The following FBXL17 variants were observed in gnomAD, a reference collection of about 807,000 sequenced individuals.
FBXL17 encodes F-box and leucine rich repeat protein 17.
Under a neutral mutation model 66.2 loss-of-function variants are expected in FBXL17, and 22 were observed. The ratio of observed to expected loss-of-function variants is 0.33; its 90% CI spans 0.24 to 0.47. FBXL17 has a LOEUF of 0.47. Ranked by LOEUF, FBXL17 falls within the 20% of genes least tolerant of loss-of-function variation. The probability of loss-of-function intolerance (pLI) is 1.00; values close to 1 mark genes in which losing one functional copy is unlikely to be tolerated. For missense variants in FBXL17, 878 were observed against 948.2 expected (o/e 0.93, Z 0.97); for synonymous variants, 474 against 400.5 (o/e 1.18, Z -2.19).
chr5:108,095,249 T>TA (rs201927907), intron 6 of FBXL17, among the ~76,000 whole-genome samples: 30 of 148,234 alleles, frequency 2.0e-4, no homozygotes, highest in East Asian at 5.9e-4. Context: ...ATCAAATGGT[T>TA]AAAAAAAAAA....
intron 4 of FBXL17, among the ~76,000 whole-genome samples, chr5:108,303,378 A>C (rs987463610): frequency 1.4e-5 from 2 of 147,294 alleles, no homozygotes; most frequent in Non-Finnish European, 3.1e-5. Flanking sequence ...ACACACACAC[A>C]CACACACACA....
Position 108,232,782 on chromosome 5 carries a change from CATATAT to C in FBXL17, c.1507-8560_1507-8555del, listed in dbSNP as rs34650348. Among the ~76,000 whole-genome samples the C allele has an allele frequency of 6.7e-3, 525 of 78,176 alleles. 53 individuals are homozygous for C. The highest frequency in any genetic ancestry group is 0.024 in the African/African-American group (498 of 20,640). 51.3% of individuals were successfully genotyped at this position (78,176 alleles called of 152,430 possible). A position where few individuals can be genotyped will look rare whatever the true frequency, so the allele number is the denominator to read the frequency against. ...TAAGTTAATACTGAATAAGCTCTCA[CATATAT>C]ATATATATATATATATAATATATAC... On this transcript the variant is annotated intron_variant, in intron 4 of 8. Coordinates refer to ENST00000542267, the MANE Select transcript of FBXL17 (RefSeq NM_001163315.3).
At chr5:108,218,544 A>T (rs1754710548) in intron 5 of FBXL17, among the ~76,000 whole-genome samples, 1 of 152,196 alleles carries the variant, frequency 6.6e-6, no homozygotes. Context: ...CATTTCTACC[A>T]AGAATTTTCA....
chr5:108,230,019 A>G (rs1755258279), intron 4 of FBXL17, among the ~76,000 whole-genome samples: 2 of 152,196 alleles, frequency 1.3e-5, no homozygotes, highest in Non-Finnish European at 2.9e-5. Context: ...CCACAACGTG[A>G]TACCACCTTA....
intron 4 of FBXL17, among the ~76,000 whole-genome samples, chr5:108,337,990 T>C (rs1436030122): frequency 6.6e-6 from 1 of 151,964 alleles, no homozygotes; most frequent in Non-Finnish European, 1.5e-5. Context: ...CTAGATCTGA[T>C]GAAACTGCCT....
In FBXL17 at chr5:107,882,083, C is replaced by T. The variant is rs981682555; in HGVS notation, c.1823-904G>A. Among the ~76,000 whole-genome samples, 7 of 152,278 alleles carry T rather than the reference C, an allele frequency of 4.6e-5. No individual in the cohort carries two copies. The East Asian group carries it at 7.7e-4, about 17-fold the overall frequency. On this transcript the variant is annotated intron_variant, in intron 7 of 8. Transcript: ENST00000542267. ...GCCCAGAAAACAAATTTCAATACCC[C>T]AGCACCAGTTTATGGTGCACTGGTT...
chr5:108,228,593 C>T (rs569366984), intron 4 of FBXL17, among the ~76,000 whole-genome samples: 3 of 152,276 alleles, frequency 2.0e-5, no homozygotes, highest in South Asian at 4.1e-4. Context: ...ATGCATGGCA[C>T]ATTGTAATTG....
At chr5:107,937,677 C>T (rs1322289152) in intron 7 of FBXL17, among the ~76,000 whole-genome samples, 2 of 152,118 alleles carry the variant, frequency 1.3e-5, no homozygotes, top group African/African-American at 4.8e-5. Flanking sequence ...CTTGTGGCAT[C>T]TTGTGTATTT....
At chr5:108,003,822 A>G (rs1345566812) in intron 7 of FBXL17, among the ~76,000 whole-genome samples, 1 of 152,094 alleles carries the variant, frequency 6.6e-6, no homozygotes, top group African/African-American at 2.4e-5. Context: ...TAAAAGAGAG[A>G]TTAATAGATT....
intron 3 of FBXL17, among the ~76,000 whole-genome samples, chr5:108,361,307 C>T (rs1010568575): frequency 6.6e-6 from 1 of 152,134 alleles, no homozygotes; most frequent in Non-Finnish European, 1.5e-5. Flanking sequence ...AAAGAGATTT[C>T]CTTGGATGCC....
chr5:107,879,797 T>G (rs1243464852), intron 8 of FBXL17: 9 of 985,290 alleles, frequency 9.1e-6, no homozygotes, highest in Non-Finnish European at 9.6e-6. Flanking sequence ...GGCGGCACTT[T>G]CTGAGCAAGT....
At chr5:108,293,600 C>A (rs1157931922) in intron 4 of FBXL17, among the ~76,000 whole-genome samples, 4 of 152,142 alleles carry the variant, frequency 2.6e-5, no homozygotes, top group Admixed American at 1.3e-4. Flanking sequence ...CCAAATAAAC[C>A]AGACTTGCTT....
At chr5:107,908,293 C>T (rs563081198) in intron 7 of FBXL17, among the ~76,000 whole-genome samples, 1 of 152,080 alleles carries the variant, frequency 6.6e-6, no homozygotes, top group Non-Finnish European at 1.5e-5. Context: ...AGGTTATTTG[C>T]TAATTTCTCC....
intron 6 of FBXL17, among the ~76,000 whole-genome samples, chr5:108,148,235 G>C (rs36062636): frequency 6.6e-6 from 1 of 150,630 alleles, no homozygotes. Flanking sequence ...TATTAAAATA[G>C]TGAGTGTAAT....
At chr5:108,335,112 T>A (rs1487225873) in intron 4 of FBXL17, among the ~76,000 whole-genome samples, 1 of 152,142 alleles carries the variant, frequency 6.6e-6, no homozygotes, top group Non-Finnish European at 1.5e-5. Flanking sequence ...TTTTTAGATG[T>A]TAGAAATTAG....
rs564489863 is a variant in FBXL17 at position 108,270,471 on chromosome 5, T to C, written c.1507-46243A>G. Reference sequence around the variant, plus strand: ...ATAATTTATACATCATATATTTATTTATAAATACATAAATCACATATTTAG... The same window carrying C: ...ATAATTTATACATCATATATTTATTCATAAATACATAAATCACATATTTAG... On this transcript the variant is annotated intron_variant, in intron 4 of 8. Coordinates refer to ENST00000542267, the MANE Select transcript of FBXL17 (RefSeq NM_001163315.3). 4.0e-5 allele frequency among the ~76,000 whole-genome samples: 6 copies of C among 149,614 alleles called. No individual in the cohort carries two copies. In the East Asian group the frequency reaches 1.2e-3, roughly 29 times the overall value.
intron 6 of FBXL17, among the ~76,000 whole-genome samples, chr5:108,078,080 C>T (rs936783039): frequency 6.6e-6 from 1 of 152,122 alleles, no homozygotes; most frequent in Non-Finnish European, 1.5e-5. Context: ...AGACATTAAC[C>T]TTTGTTTTTC....
At chr5:108,276,563 T>C (rs1341738375) in intron 4 of FBXL17, among the ~76,000 whole-genome samples, 2 of 152,158 alleles carry the variant, frequency 1.3e-5, no homozygotes, top group Non-Finnish European at 2.9e-5. Context: ...TTTATCCTTC[T>C]ATTTATAATG....
intron 6 of FBXL17, among the ~76,000 whole-genome samples, chr5:108,084,535 C>T (rs1283682153): frequency 6.6e-6 from 1 of 152,164 alleles, no homozygotes; most frequent in Middle Eastern, 3.2e-3. Context: ...ATCATGAAAA[C>T]TGGTTAAGGG....
Sources: gnomAD v4.1 joint callset for allele counts (sites outside exome capture counted in the v4.1 genomes callset) on GRCh38, gnomAD v4.1.1 for gene constraint, MANE v1.5 for transcripts, NCBI Gene and HGNC (gene_info 2026-07-23, HGNC 2026-07-21) for gene names.